Variants in MN1 observed in about 807,000 individuals in gnomAD.
MN1 encodes the protein transcriptional activator MN1.
MN1 carries 19 observed loss-of-function variants against 86.9 expected under a neutral mutation model. The ratio of observed to expected loss-of-function variants is 0.22; its 90% confidence interval spans 0.15 to 0.32. The LOEUF is 0.32. MN1 is among the 10% of genes least tolerant of loss of function. The pLI, the probability that MN1 is intolerant of heterozygous loss-of-function variation, is 1.00. For synonymous variants in MN1, 928 were observed against 849.6 expected (o/e 1.09, Z -1.60); for missense variants, 1,841 against 1,862.0 (o/e 0.99, Z 0.21).
chr22:27,798,234 T>C lies in MN1; in HGVS notation c.2310A>G (p.Gly770=). ...GPGVNSPPSA[G]GGGGSSGGGG... ...CGCCACCAGAGCTGCCACCGCCCCCTCCCGCGCTGGGGGGCGAGTTCACGC... is the reference window on the plus strand; with the variant it reads ...CGCCACCAGAGCTGCCACCGCCCCCCCCCGCGCTGGGGGGCGAGTTCACGC... Residue 770 remains glycine (G), a synonymous_variant, in exon 1 of 2, where the codon GGA becomes GGG. Coordinates refer to ENST00000302326, the MANE Select transcript of MN1 (RefSeq NM_002430.3). 1 of 1,517,998 alleles carries C rather than the reference T, an allele frequency of 6.6e-7. No homozygotes were observed. Among genetic ancestry groups the C allele is most frequent in the Non-Finnish European group, 8.7e-7 (1 of 1,142,882 alleles). 94.0% of individuals were successfully genotyped at this position (1,517,998 alleles called of 1,614,324 possible). A position where few individuals can be genotyped will look rare whatever the true frequency, so the allele number is the denominator to read the frequency against.
intron 1 of MN1, among the ~76,000 whole-genome samples, chr22:27,754,648 C>T (rs1019097615): frequency 1.3e-5 from 2 of 152,242 alleles, no homozygotes; most frequent in Non-Finnish European, 2.9e-5. Flanking sequence ...CAGACCGCGG[C>T]TCCCCAGGGC....
intron 1 of MN1, among the ~76,000 whole-genome samples, chr22:27,783,247 G>A (rs5762352): frequency 0.032 from 4,860 of 151,188 alleles, 267 homozygotes; most frequent in East Asian, 0.24. Context: ...CAATTCTCCT[G>A]CCTCAGCCTC....
intron 1 of MN1, among the ~76,000 whole-genome samples, chr22:27,789,284 C>T (rs1933180753): frequency 6.6e-6 from 1 of 152,208 alleles, no homozygotes; most frequent in African/African-American, 2.4e-5. Context: ...AAATACGCCT[C>T]CGCCAAGGGG....
chr22:27,755,890 G>A (rs1932799044), intron 1 of MN1, among the ~76,000 whole-genome samples: 1 of 152,230 alleles, frequency 6.6e-6, no homozygotes, highest in Non-Finnish European at 1.5e-5. Context: ...CAATGATAGT[G>A]GCCACCATTC....
intron 1 of MN1, among the ~76,000 whole-genome samples, chr22:27,751,387 T>C (rs1601319796): frequency 6.6e-6 from 1 of 152,300 alleles, no homozygotes; most frequent in East Asian, 1.9e-4. Context: ...CCATCTCTGA[T>C]GCACCAGAGT....
intron 1 of MN1, among the ~76,000 whole-genome samples, chr22:27,793,103 T>C (rs922891251): frequency 1.3e-5 from 2 of 152,198 alleles, no homozygotes; most frequent in African/African-American, 4.8e-5. Context: ...CCCATTTCAA[T>C]GTATGTGAAA....
At chr22:27,760,655 C>T (rs1407445506) in intron 1 of MN1, among the ~76,000 whole-genome samples, 1 of 152,168 alleles carries the variant, frequency 6.6e-6, no homozygotes, top group Admixed American at 6.5e-5. Context: ...AGATAGTGGC[C>T]AACAGCCTGC....
rs201422000 is a variant in MN1 at position 27,800,302 on chromosome 22, C to G, written c.242G>C (p.Gly81Ala). 2,377 of 1,577,122 alleles carry G rather than the reference C, an allele frequency of 1.5e-3. 8 individuals are homozygous for G. Among genetic ancestry groups the G allele is most frequent in the Non-Finnish European group, 1.4e-3 (1,607 of 1,161,736 alleles). Residue 81 changes from glycine to alanine, a missense_variant, in exon 1 of 2, where the codon GGG (glycine) becomes GCG (alanine). By Grantham distance (60) the Gly-to-Ala change is moderately conservative (BLOSUM62 0). Transcript: ENST00000302326. ...HARGHSELHA[G>A]GLQAQPVHGF... ...GTGCACAGGCTGCGCTTGCAGCCCCCCTGCGTGCAACTCCGAGTGGCCGCG... is the reference window on the plus strand; with the variant it reads ...GTGCACAGGCTGCGCTTGCAGCCCCGCTGCGTGCAACTCCGAGTGGCCGCG...
Position 27,798,273 on chromosome 22 carries a change from C to G in MN1, c.2271G>C (p.Pro757=). The G allele has an allele frequency of 6.6e-7, 1 of 1,526,678 alleles. No individual in the cohort carries two copies. The highest frequency in any genetic ancestry group is 1.2e-5 in the South Asian group (1 of 82,536). 94.6% of individuals were successfully genotyped at this position (1,526,678 alleles called of 1,614,324 possible). A position where few individuals can be genotyped will look rare whatever the true frequency, so the allele number is the denominator to read the frequency against. The change falls in exon 1 of 2, where the codon CCG becomes CCC. Residue 757 remains proline, a synonymous_variant. Transcript: ENST00000302326. ...PFGAAGRQST[P]HSGPGVNSPP... is the part of the protein sequence containing the mutation. ...GCGAGTTCACGCCTGGACCGCTGTG[C>G]GGCGTGGACTGCCGGCCGGCTGCAC...
chr22:27,790,449 C>T (rs1055601334), intron 1 of MN1, among the ~76,000 whole-genome samples: 2 of 152,154 alleles, frequency 1.3e-5, no homozygotes, highest in African/African-American at 4.8e-5. Context: ...ATCCCAGAAC[C>T]ATCTCTCCTT....
At chr22:27,781,405 T>TGCAGCCACGA (rs1366502960) in intron 1 of MN1, among the ~76,000 whole-genome samples, 1 of 152,042 alleles carries the variant, frequency 6.6e-6, no homozygotes, top group Non-Finnish European at 1.5e-5. Context: ...GCATTCTTCC[T>TGCAGCCACGA]CCCTGCAGCC....
Position 27,798,570 on chromosome 22 carries a change from C to A in MN1, c.1974G>T (p.Pro658=), listed in dbSNP as rs752513997. Residue 658 remains proline, a synonymous_variant, in exon 1 of 2, where the codon CCG becomes CCT. Coordinates refer to ENST00000302326, the MANE Select transcript of MN1 (RefSeq NM_002430.3). ...GGSGLPADCG[P]HDPSLAPPPP... ...GAGGGGGCGCCAGGCTGGGGTCGTGCGGGCCACAGTCAGCGGGCAGACCCG... is the reference window on the plus strand; with the variant it reads ...GAGGGGGCGCCAGGCTGGGGTCGTGAGGGCCACAGTCAGCGGGCAGACCCG... 8 of 1,534,488 alleles carry A rather than the reference C, an allele frequency of 5.2e-6. No individual in the cohort carries two copies. The highest frequency in any genetic ancestry group is 4.1e-5 in the African/African-American group (3 of 72,390).
In MN1 at chr22:27,800,660, CGGG is replaced by C; in HGVS notation, c.-120_-118del. The stretch of plus-strand genomic sequence containing the variant: ...GGGCGCTCCGGGACGCTCAGCACCG[CGGG>C]GGCTCAGCGCGCACCTCCACCCCGC... On this transcript the variant is annotated 5_prime_UTR_variant, in exon 1 of 2. Coordinates refer to ENST00000302326, the MANE Select transcript of MN1 (RefSeq NM_002430.3). 6.8e-7 allele frequency: 1 copy of C among 1,480,484 alleles called. No individual in the cohort carries two copies. The highest frequency in any genetic ancestry group is 1.3e-5 in the South Asian group (1 of 79,612). The allele number at this position is 1,480,484 out of a possible 1,614,324, so 91.7% of individuals were successfully genotyped here.
In MN1 at chr22:27,799,052, ACTCG is replaced by A. The variant is rs754672035; in HGVS notation, c.1488_1491del (p.Glu497SerfsTer60). ...AAGCTGTCGGGCACAGGCGGTGTGA[ACTCG>A]CCGGGTAGGCCTGGGTAGGCGGAAG... On this transcript the variant is annotated frameshift_variant, in exon 1 of 2. Transcript: ENST00000302326. LOFTEE classifies it high-confidence loss of function. 4 of 1,611,048 alleles carry A rather than the reference ACTCG, an allele frequency of 2.5e-6. No individual in the cohort carries two copies. The highest frequency in any genetic ancestry group is 3.4e-6 in the Non-Finnish European group (4 of 1,178,522).
In MN1 at chr22:27,786,430, A is replaced by AACAC. The variant is rs3831690; in HGVS notation, c.3781+10329_3781+10332dup. ...CAAACGATGCATTTCTTAAAAGTTA[A>AACAC]ACACACACACACACACACACACACA... On this transcript the variant is annotated intron_variant, in intron 1 of 1. Coordinates refer to ENST00000302326, the MANE Select transcript of MN1 (RefSeq NM_002430.3). 4.3e-3 allele frequency among the ~76,000 whole-genome samples: 641 copies of AACAC among 148,936 alleles called. 6 individuals carry two copies. Among genetic ancestry groups the AACAC allele is most frequent in the African/African-American group, 0.014 (562 of 40,600 alleles).
At chr22:27,755,333 G>A (rs1013792038) in intron 1 of MN1, among the ~76,000 whole-genome samples, 1 of 152,202 alleles carries the variant, frequency 6.6e-6, no homozygotes, top group Admixed American at 6.5e-5. Context: ...AGTCCCAGAG[G>A]CTGGGGCAAC....
chr22:27,765,871 T>C (rs1932865945), intron 1 of MN1, among the ~76,000 whole-genome samples: 1 of 152,122 alleles, frequency 6.6e-6, no homozygotes, highest in Non-Finnish European at 1.5e-5. Flanking sequence ...GGAGGTGGTC[T>C]GGGCTTAGAA....
intron 1 of MN1, among the ~76,000 whole-genome samples, chr22:27,769,551 A>ATTTTTTTTT (rs1295323289): frequency 4.0e-5 from 1 of 25,074 alleles, no homozygotes; most frequent in Non-Finnish European, 7.9e-5. Context: ...CAAGGATGCC[A>ATTTTTTTTT]ATTTTTTTTT....
chr22:27,791,824 G>A (rs975847503), intron 1 of MN1: 2 of 152,184 alleles, frequency 1.3e-5, no homozygotes, highest in African/African-American at 4.8e-5. Context: ...CGACGTCATT[G>A]TCATTCAGGT....
Sources: gnomAD v4.1 joint callset for allele counts (sites outside exome capture counted in the v4.1 genomes callset) on GRCh38, gnomAD v4.1.1 for gene constraint, MANE v1.5 for transcripts, NCBI Gene and HGNC (gene_info 2026-07-23, HGNC 2026-07-21) for gene names.